Variants in KATNIP observed in about 807,000 individuals in gnomAD.
The protein encoded by KATNIP is katanin interacting protein.
KATNIP carries 126 observed loss-of-function variants against 174.0 expected under a neutral mutation model. The observed-to-expected ratio is 0.72, with a 90% confidence interval of 0.63 to 0.84. KATNIP has a LOEUF of 0.84. KATNIP is among the 40% of genes least tolerant of loss of function. The probability of loss-of-function intolerance (pLI) is 0.00; values close to 1 mark genes in which losing one functional copy is unlikely to be tolerated. For synonymous variants in KATNIP, 810 were observed against 835.7 expected (o/e 0.97, Z 0.53); for missense variants, 1,958 against 2,109.7 (o/e 0.93, Z 1.41).
Position 27,631,127 on chromosome 16 carries a change from GC to G in KATNIP, c.378del (p.Ser127ValfsTer41), listed in dbSNP as rs2076475365. 1 of 1,576,354 alleles carries G rather than the reference GC, an allele frequency of 6.3e-7. No homozygotes were observed. The highest frequency in any genetic ancestry group is 8.6e-7 in the Non-Finnish European group (1 of 1,159,806). On this transcript the variant is annotated frameshift_variant, in exon 5 of 28. Transcript: ENST00000261588. LOFTEE classifies it high-confidence loss of function. ...AGCCTTAAGACGCAGTTCACGGACA[GC>G]CCCCAGTAAAGTCCAGCGCCGAGGA... ...EEALRRSSRT[A>X]PSKVQRRGWH...
chr16:27,663,969 C>T (rs1279417329), intron 6 of KATNIP, among the ~76,000 whole-genome samples: 1 of 152,046 alleles, frequency 6.6e-6, no homozygotes, highest in Non-Finnish European at 1.5e-5. Context: ...CGCCACCATG[C>T]CTGGCTAATC....
chr16:27,779,188 T>A lies in KATNIP; in HGVS notation c.*559T>A, dbSNP rs916167117. 2 of 152,594 alleles carry A rather than the reference T, an allele frequency of 1.3e-5. No homozygotes were observed. The highest frequency in any genetic ancestry group is 4.8e-5 in the African/African-American group (2 of 41,462). The allele number at this position is 152,594 out of a possible 1,614,324, so 9.5% of individuals were successfully genotyped here. A position where few individuals can be genotyped will look rare whatever the true frequency, so the allele number is the denominator to read the frequency against. ...CTGAGAGGTTGGGGTAGTTTCCTGG[T>A]TACAGGGGTCCACAAGACCCTCTCT... On this transcript the variant is annotated 3_prime_UTR_variant, in exon 28 of 28. Transcript: ENST00000261588.
At chr16:27,643,305 G>A (rs2076858475) in intron 5 of KATNIP, 1 of 152,354 alleles carries the variant, frequency 6.6e-6, no homozygotes, top group East Asian at 1.9e-4. Flanking sequence ...AGAACTAAAT[G>A]AGCGGCCAGG....
intron 6 of KATNIP, among the ~76,000 whole-genome samples, chr16:27,655,000 G>A (rs1324164941): frequency 1.3e-5 from 2 of 151,412 alleles, no homozygotes; most frequent in Non-Finnish European, 2.9e-5. Flanking sequence ...GTGGTGGCAT[G>A]TGCCTGCAGT....
intron 5 of KATNIP, among the ~76,000 whole-genome samples, chr16:27,641,137 CAAAA>C (rs1255873987): frequency 8.0e-6 from 1 of 124,758 alleles, no homozygotes; most frequent in Non-Finnish European, 1.7e-5. Flanking sequence ...GGCTCTGTCT[CAAAA>C]AAAAAAAAAA....
At chr16:27,613,340 A>C (rs977280924) in intron 2 of KATNIP, among the ~76,000 whole-genome samples, 1 of 152,194 alleles carries the variant, frequency 6.6e-6, no homozygotes, top group Non-Finnish European at 1.5e-5. Context: ...TCAACATTTA[A>C]GAAGTGGAGA....
Position 27,740,227 on chromosome 16 carries a change from C to G in KATNIP, c.1930C>G (p.His644Asp). 6.2e-7 allele frequency: 1 copy of G among 1,614,188 alleles called. No homozygotes were observed. The highest frequency in any genetic ancestry group is 8.5e-7 in the Non-Finnish European group (1 of 1,180,026). Residue 644 changes from histidine to aspartate, a missense_variant, in exon 15 of 28, where the codon CAT becomes GAT. His to Asp is a moderately conservative substitution (Grantham distance 81). Around this residue, in one of 3 missense-constraint regions of KATNIP, gnomAD observed 1,557 missense variants for 1,617.8 expected, o/e 0.96. Transcript: ENST00000261588. ...TCACTCGGAAGAAAGCAAAGGCACC[C>G]ATGAGATGGCTGGTGCCAGCGGGGA... ...NAHSEESKGT[H>D]EMAGASGDKE...
intron 2 of KATNIP, among the ~76,000 whole-genome samples, chr16:27,610,034 G>C (rs1261733996): frequency 6.6e-6 from 1 of 152,156 alleles, no homozygotes; most frequent in Non-Finnish European, 1.5e-5. Context: ...GGAGGAGTGG[G>C]GTAGTGGGAG....
chr16:27,643,300 T>C (rs2076858220), intron 5 of KATNIP: 1 of 152,270 alleles, frequency 6.6e-6, no homozygotes, highest in Non-Finnish European at 1.5e-5. Context: ...CTTTGAGAAC[T>C]AAATGAGCGG....
rs559404320 is a variant in KATNIP, at chr16:27,653,229, G to A, written c.540+4494G>A. ...TTAGTTACCTCTGAAGTCCCTGAGA[G>A]CGTGATACGTGACAGGAAGACAGGG... On this transcript the variant is annotated intron_variant, in intron 6 of 27. Transcript: ENST00000261588. Among the ~76,000 whole-genome samples the A allele has an allele frequency of 3.3e-5, 5 of 152,336 alleles. No homozygotes were observed. In the South Asian group the frequency reaches 1.0e-3, roughly 32 times the overall value.
rs1597438621 is a variant in KATNIP at position 27,777,305 on chromosome 16, G to A, written c.4551+276G>A. ...TTTGGGGCGGTGACCCTGGGATGGGGAAAACAGGGACCCTGGATACCAGAG... is the reference window on the plus strand; with the variant it reads ...TTTGGGGCGGTGACCCTGGGATGGGAAAAACAGGGACCCTGGATACCAGAG... On this transcript the variant is annotated intron_variant, in intron 25 of 27. Transcript: ENST00000261588. The surrounding 1 kb of genome is among the most constrained non-coding windows in gnomAD (Gnocchi z 4.4). 6.6e-6 allele frequency among the ~76,000 whole-genome samples: 1 copy of A among 152,232 alleles called. No homozygotes were observed. Among genetic ancestry groups the A allele is most frequent in the East Asian group, 1.9e-4 (1 of 5,174 alleles).
intron 17 of KATNIP, among the ~76,000 whole-genome samples, chr16:27,753,004 G>T (rs2081575429): frequency 6.6e-6 from 1 of 152,194 alleles, no homozygotes; most frequent in South Asian, 2.1e-4. Context: ...GGAAGGTCAT[G>T]ACTGAGGCAG....
At chr16:27,605,212 C>T (rs956327148) in intron 2 of KATNIP, among the ~76,000 whole-genome samples, 14 of 152,290 alleles carry the variant, frequency 9.2e-5, no homozygotes, top group Non-Finnish European at 1.3e-4. Flanking sequence ...GGATTACAGG[C>T]GTGGGCCACC....
At chr16:27,687,839 T>G (rs1003984642) in intron 8 of KATNIP, among the ~76,000 whole-genome samples, 1 of 152,188 alleles carries the variant, frequency 6.6e-6, no homozygotes, top group African/African-American at 2.4e-5. Context: ...GTACTTAGTG[T>G]TCCTGTCAGG....
intron 8 of KATNIP, chr16:27,685,413 A>G (rs2078487182): frequency 6.6e-6 from 1 of 152,182 alleles, no homozygotes; most frequent in African/African-American, 2.4e-5. Context: ...TAAAAAATTT[A>G]AGAAAATGAA....
chr16:27,729,076 G>A (rs1350720619), intron 14 of KATNIP, among the ~76,000 whole-genome samples: 1 of 152,188 alleles, frequency 6.6e-6, no homozygotes, highest in Non-Finnish European at 1.5e-5. Flanking sequence ...GATTCTCTTG[G>A]TACCAAAGGA....
At chr16:27,703,808 A>C (rs1273275690) in intron 11 of KATNIP, 88 bp from the exon 12 acceptor site, 5 of 988,598 alleles carry the variant, frequency 5.1e-6, no homozygotes, top group Non-Finnish European at 8.1e-6. Context: ...ATCATTTCCT[A>C]TCCCCGAGTG....
intron 15 of KATNIP, among the ~76,000 whole-genome samples, chr16:27,743,020 C>A (rs974190111): frequency 2.6e-5 from 4 of 152,136 alleles, no homozygotes; most frequent in African/African-American, 9.7e-5. Context: ...CCACTACACC[C>A]CCCAACAGGC....
At chr16:27,712,740 T>C (rs2079630896) in intron 13 of KATNIP, among the ~76,000 whole-genome samples, 1 of 152,192 alleles carries the variant, frequency 6.6e-6, no homozygotes, top group Admixed American at 6.5e-5. Context: ...TCTGAGTTAC[T>C]GACATGAATG....
Sources: gnomAD v4.1 joint callset for allele counts (sites outside exome capture counted in the v4.1 genomes callset) on GRCh38, gnomAD v4.1.1 for gene constraint, gnomAD v4.1.1 regional missense constraint, Gnocchi (gnomAD v3.1) non-coding constraint, MANE v1.5 for transcripts, NCBI Gene and HGNC (gene_info 2026-07-23, HGNC 2026-07-21) for gene names.